ABCC12: variants seen among roughly 807,000 people sequenced by gnomAD.
ABCC12 encodes ATP binding cassette subfamily C member 12.
A neutral mutation model predicts 151.1 loss-of-function variants in ABCC12; 142 were observed. That is an observed-to-expected ratio of 0.94 (90% confidence interval 0.82 to 1.08). The LOEUF (loss-of-function observed/expected upper bound fraction) is 1.08, where lower values mean the gene tolerates loss of function less well. Among genes scored for constraint, ABCC12 ranks in the 50% least tolerant of loss-of-function variants. The pLI is 0.00. For missense variants in ABCC12, 1,638 were observed against 1,691.1 expected, an observed-to-expected ratio of 0.97 and a Z score of 0.55; for synonymous variants, 645 against 646.4, an observed-to-expected ratio of 1.00 and a Z score of 0.03.
In ABCC12 at chr16:48,144,017, T is replaced by C. The variant is rs1964914464; in HGVS notation, c.168A>G (p.Thr56=). Residue 56 remains threonine, a synonymous_variant, in exon 4 of 31, where the codon ACA becomes ACG. Coordinates refer to ENST00000311303, the MANE Select transcript of ABCC12 (RefSeq NM_001393797.1). ...VDDAGLLSFA[T]FSWLTPVMVK... The stretch of plus-strand genomic sequence containing the variant: ...CCATCACCGGCGTGAGCCAGGAAAA[T>C]GTGGCGAAGGAGAGTAGCCCGGCAT... 6.2e-7 allele frequency: 1 copy of C among 1,613,980 alleles called. No individual in the cohort carries two copies.
At chr16:48,095,720 A>C (rs572026559) in intron 24 of ABCC12, among the ~76,000 whole-genome samples, 18 of 152,248 alleles carry the variant, frequency 1.2e-4, no homozygotes, top group African/African-American at 4.3e-4. Flanking sequence ...AAAAAAAAGA[A>C]AGAAAAAGAG....
At chr16:48,127,936 C>T (rs996823317) in intron 11 of ABCC12, among the ~76,000 whole-genome samples, 1 of 151,972 alleles carries the variant, frequency 6.6e-6, no homozygotes, top group African/African-American at 2.4e-5. Flanking sequence ...AAAATTATCC[C>T]GCTTTCCCCT....
At chr16:48,137,769 A>T (rs986872897) in intron 8 of ABCC12, among the ~76,000 whole-genome samples, 1 of 152,238 alleles carries the variant, frequency 6.6e-6, no homozygotes, top group African/African-American at 2.4e-5. Context: ...GTAAAACTAC[A>T]TATGCATCTC....
Position 48,087,931 on chromosome 16 carries a change from T to C in ABCC12, c.3630A>G (p.Thr1210=), listed in dbSNP as rs759068371. The C allele has an allele frequency of 3.1e-6, 5 of 1,611,936 alleles. No homozygotes were observed. The highest frequency in any genetic ancestry group is 1.3e-5 in the African/African-American group (1 of 74,900). The change falls in exon 27 of 31, where the codon ACA becomes ACG. Residue 1210 remains threonine, a synonymous_variant. Transcript: ENST00000311303. ...IPQDPVLFVG[T]VRYNLDPFES... ...CAATGATTAAAAACAGCTACCTTAC[T>C]GTACCTACAAACAGGACAGGATCCT... is the stretch of plus-strand genomic sequence containing the variant.
intron 18 of ABCC12, 85 bp downstream of exon 18, chr16:48,111,351 C>T: frequency 6.8e-7 from 1 of 1,474,238 alleles, no homozygotes; most frequent in Non-Finnish European, 9.4e-7. Context: ...ATGACATGCA[C>T]AGTGTCTACA....
chr16:48,147,172 G>A (rs1965032255), intron 2 of ABCC12, among the ~76,000 whole-genome samples: 1 of 152,114 alleles, frequency 6.6e-6, no homozygotes, highest in South Asian at 2.1e-4. Flanking sequence ...CAACCCAGGT[G>A]GAGAGGACAC....
intron 4 of ABCC12, among the ~76,000 whole-genome samples, chr16:48,142,915 A>G (rs1345949977): frequency 2.0e-5 from 3 of 152,168 alleles, no homozygotes; most frequent in Non-Finnish European, 4.4e-5. Flanking sequence ...GAGTAGGAAA[A>G]TTCTGGACAG....
In ABCC12 at chr16:48,124,261, C is replaced by T. The variant is rs1220467633; in HGVS notation, c.1539G>A (p.Gly513=). ...GGGAGCTCTTTCCACTTCCCACATT[C>T]CCACATATTCCCAAGATCTTCCCCT... ...VRKGKILGIC[G]NVGSGKSSLL... is the part of the protein sequence containing the mutation. The change falls in exon 12 of 31, where the codon GGG becomes GGA. Residue 513 remains glycine, a synonymous_variant. Transcript: ENST00000311303. The T allele has an allele frequency of 1.2e-6, 2 of 1,614,250 alleles. No homozygotes were observed. The highest frequency in any genetic ancestry group is 1.7e-5 in the Admixed American group (1 of 60,032).
chr16:48,130,767 C>T, intron 10 of ABCC12, 21 bp downstream of exon 10: 2 of 1,561,118 alleles, frequency 1.3e-6, no homozygotes, highest in African/African-American at 2.7e-5. Context: ...CTCTTCCCTA[C>T]TCACCCAGGG....
intron 23 of ABCC12, 35 bp from the exon 24 acceptor site, chr16:48,096,937 A>C: frequency 6.2e-7 from 1 of 1,613,934 alleles, no homozygotes; most frequent in Non-Finnish European, 8.5e-7. Flanking sequence ...TTAAACCTAC[A>C]GTCAAGAAAA....
chr16:48,092,874 A>G (rs1962959759), intron 24 of ABCC12, among the ~76,000 whole-genome samples: 2 of 152,312 alleles, frequency 1.3e-5, no homozygotes, highest in South Asian at 2.1e-4. Flanking sequence ...AGAATGCTCT[A>G]GTAAGAAGCA....
At chr16:48,100,742 C>T (rs771022598) in intron 23 of ABCC12, 130 bp downstream of exon 23, 2 of 1,177,224 alleles carry the variant, frequency 1.7e-6, no homozygotes, top group Non-Finnish European at 2.3e-6. Context: ...TCAAGGACTC[C>T]TCCTGATTCT....
rs1964914732 is a variant in ABCC12 at position 48,144,019 on chromosome 16, T to C, written c.166A>G (p.Thr56Ala). The change falls in exon 4 of 31, where the codon ACA becomes GCA. Residue 56 changes from threonine (T) to alanine (A), a missense_variant. Coordinates refer to ENST00000311303, the MANE Select transcript of ABCC12 (RefSeq NM_001393797.1). ...VDDAGLLSFATFSWLTPVMVK... is the reference protein window; with the variant it reads ...VDDAGLLSFAAFSWLTPVMVK... ...ATCACCGGCGTGAGCCAGGAAAATG[T>C]GGCGAAGGAGAGTAGCCCGGCATCA... The C allele has an allele frequency of 1.9e-6, 3 of 1,614,070 alleles. No individual in the cohort carries two copies. The highest frequency in any genetic ancestry group is 2.2e-5 in the South Asian group (2 of 91,084).
chr16:48,096,417 C>T (rs1366517526), intron 24 of ABCC12, among the ~76,000 whole-genome samples: 1 of 152,156 alleles, frequency 6.6e-6, no homozygotes, highest in Non-Finnish European at 1.5e-5. Context: ...ATGCTTTCCT[C>T]CAATAACAGT....
rs181148639 is a variant in ABCC12 at position 48,086,821 on chromosome 16, T to C, written c.3636-2A>G. 3 of 1,612,286 alleles carry C rather than the reference T, an allele frequency of 1.9e-6. No individual in the cohort carries two copies. The African/African-American group carries it at 4.0e-5, about 22-fold the overall frequency. ...CTCTCAAAGGGATCCAAGTTGTACCTGCAATGAAGGAGAGGAGAGGACAGG... is the reference window on the plus strand; with the variant it reads ...CTCTCAAAGGGATCCAAGTTGTACCCGCAATGAAGGAGAGGAGAGGACAGG... On this transcript the variant is annotated splice_acceptor_variant, in intron 27 of 30. Transcript: ENST00000311303. LOFTEE classifies it high-confidence loss of function.
intron 9 of ABCC12, among the ~76,000 whole-genome samples, chr16:48,132,303 G>C (rs1195050920): frequency 1.3e-5 from 2 of 152,122 alleles, no homozygotes; most frequent in Admixed American, 6.5e-5. Flanking sequence ...AATAAACTGT[G>C]CATGAGTGAT....
chr16:48,138,374 A>T lies in ABCC12; in HGVS notation c.833T>A (p.Met278Lys), dbSNP rs1365517658. The change falls in exon 8 of 31, where the codon ATG becomes AAG. Residue 278 changes from methionine to lysine, a missense_variant and splice_region_variant. Coordinates refer to ENST00000311303, the MANE Select transcript of ABCC12 (RefSeq NM_001393797.1). ...AGCTGAATTGAGCTTGGCCATAAACATCTGAAATCAAGGTACAAACACTGT... is the reference window on the plus strand; with the variant it reads ...AGCTGAATTGAGCTTGGCCATAAACTTCTGAAATCAAGGTACAAACACTGT... ...SVYVIFIPVQ[M>K]FMAKLNSAFR... 2.5e-6 allele frequency: 4 copies of T among 1,611,218 alleles called. No homozygotes were observed. The highest frequency in any genetic ancestry group is 2.2e-5 in the South Asian group (2 of 90,766).
intron 2 of ABCC12, among the ~76,000 whole-genome samples, 188 bp downstream of exon 2, chr16:48,153,428 C>A (rs554724621): frequency 6.6e-6 from 1 of 152,262 alleles, no homozygotes; most frequent in Non-Finnish European, 1.5e-5. Context: ...TTTCTGCACA[C>A]TTCTCAGCTC....
chr16:48,147,987 G>A (rs1420320637), intron 2 of ABCC12, among the ~76,000 whole-genome samples: 6 of 152,130 alleles, frequency 3.9e-5, no homozygotes, highest in Non-Finnish European at 7.4e-5. Context: ...TCACTCTGTC[G>A]CCCAGGTGGG....
Sources: gnomAD v4.1 joint callset for allele counts (sites outside exome capture counted in the v4.1 genomes callset) on GRCh38, gnomAD v4.1.1 for gene constraint, MANE v1.5 for transcripts, NCBI Gene and HGNC (gene_info 2026-07-23, HGNC 2026-07-21) for gene names.